TAFA5: variants seen among roughly 807,000 people sequenced by gnomAD.
TAFA5 encodes the protein TAFA chemokine like family member 5, also known as chemokine-like protein TAFA-5.
TAFA5 carries 6 observed loss-of-function variants against 15.3 expected under a neutral mutation model. That is an observed-to-expected ratio of 0.39 (90% CI 0.21 to 0.77). TAFA5 has a LOEUF of 0.77. Among genes scored for constraint, TAFA5 ranks in the 30% least tolerant of loss-of-function variants. The pLI is 0.41. For synonymous variants in TAFA5, 103 were observed against 80.7 expected (o/e 1.28, Z -1.48); for missense variants, 161 against 193.1 (o/e 0.83, Z 0.98).
chr22:48,605,325 T>A (rs1323053337), intron 1 of TAFA5, among the ~76,000 whole-genome samples: 1 of 102,442 alleles, frequency 9.8e-6, no homozygotes, highest in East Asian at 2.3e-4. Context: ...GTGATGGTGA[T>A]GATGGTGATG....
intron 1 of TAFA5, among the ~76,000 whole-genome samples, chr22:48,495,454 TC>T (rs1387219576): frequency 4.6e-5 from 7 of 152,056 alleles, no homozygotes; most frequent in African/African-American, 1.7e-4. Flanking sequence ...CCCTTCTGTG[TC>T]CCAACCCAGC....
In TAFA5 at chr22:48,646,671, C is replaced by T. The variant is rs757667830; in HGVS notation, c.187C>T (p.Arg63Trp). 1.8e-4 allele frequency: 283 copies of T among 1,611,616 alleles called. No individual in the cohort carries two copies. Among genetic ancestry groups the T allele is most frequent in the South Asian group, 4.3e-4 (39 of 91,042 alleles). Residue 63 changes from arginine to tryptophan, a missense_variant, in exon 2 of 4, where the codon CGG (arginine) becomes TGG (tryptophan). Transcript: ENST00000402357. ...DSSQPRRTIA[R>W]QTARCACRKG... The stretch of plus-strand genomic sequence containing the variant: ...CAGCCAGCCTCGGAGGACGATCGCC[C>T]GGCAGACCGCCCGCTGTGCGTGTAG...
At position 48,688,309 on chromosome 22, in the gene TAFA5, G is replaced by T. The variant is rs79385631; in HGVS notation, c.263-19408G>T. Among the ~76,000 whole-genome samples the T allele has an allele frequency of 9.3e-4, 142 of 152,330 alleles. 1 individual carries two copies. The East Asian group carries it at 0.024, about 26-fold the overall frequency. On this transcript the variant is annotated intron_variant, in intron 2 of 3. Coordinates refer to ENST00000402357, the MANE Select transcript of TAFA5 (RefSeq NM_001082967.3). The stretch of plus-strand genomic sequence containing the variant: ...TAAAGAAAAAATAATTATCAAGACT[G>T]TTCCCACTAAATTATGCTGTCTAGA...
intron 1 of TAFA5, among the ~76,000 whole-genome samples, chr22:48,517,954 G>T (rs1601844634): frequency 6.6e-6 from 1 of 152,342 alleles, no homozygotes; most frequent in East Asian, 1.9e-4. Context: ...GCCCCTTTGT[G>T]TCTCCTCCCT....
At chr22:48,512,124 G>GGTGACTGA (rs1446247315) in intron 1 of TAFA5, among the ~76,000 whole-genome samples, 1 of 152,202 alleles carries the variant, frequency 6.6e-6, no homozygotes, top group Admixed American at 6.5e-5. Flanking sequence ...CAGGCTGCAA[G>GGTGACTGA]GTGACTGAGC....
intron 1 of TAFA5, among the ~76,000 whole-genome samples, chr22:48,624,668 CTG>C (rs1925965800): frequency 6.6e-6 from 1 of 152,184 alleles, no homozygotes; most frequent in South Asian, 2.1e-4. Flanking sequence ...CCATCAGTGA[CTG>C]TGTGTTTTGA....
At chr22:48,602,167 A>G (rs1208935854) in intron 1 of TAFA5, among the ~76,000 whole-genome samples, 1 of 152,176 alleles carries the variant, frequency 6.6e-6, no homozygotes, top group African/African-American at 2.4e-5. Context: ...CTCAAGCCCC[A>G]GGCAGTGAAG....
At chr22:48,712,495 C>T (rs562513629) in intron 3 of TAFA5, among the ~76,000 whole-genome samples, 81 of 152,342 alleles carry the variant, frequency 5.3e-4, no homozygotes, top group Non-Finnish European at 7.5e-4. Flanking sequence ...GGAGGGTGAG[C>T]GCCCGGTGAC....
intron 1 of TAFA5, among the ~76,000 whole-genome samples, chr22:48,501,089 C>T (rs1339598176): frequency 1.3e-5 from 2 of 152,328 alleles, no homozygotes; most frequent in Admixed American, 6.5e-5. Context: ...ACCCTTCCCC[C>T]GCCACCAGAC....
chr22:48,686,899 A>AATGGATGGATGG (rs55750601), intron 2 of TAFA5, among the ~76,000 whole-genome samples: 94 of 136,382 alleles, frequency 6.9e-4, no homozygotes, highest in African/African-American at 9.4e-4. Context: ...TTGATGGTTG[A>AATGGATGGATGG]ATGGATGGAT....
At chr22:48,533,165 C>A (rs553523203) in intron 1 of TAFA5, among the ~76,000 whole-genome samples, 1 of 152,068 alleles carries the variant, frequency 6.6e-6, no homozygotes, top group Non-Finnish European at 1.5e-5. Flanking sequence ...ATGGAGTGGC[C>A]GGGGTCTGAG....
chr22:48,641,831 A>G (rs7292517), intron 1 of TAFA5, among the ~76,000 whole-genome samples: 126,354 of 152,088 alleles, frequency 0.83, 53,214 homozygotes, highest in East Asian at 1. Flanking sequence ...GGGAGTTGGC[A>G]CTGGAGAAGG....
chr22:48,609,486 G>C (rs1166259500), intron 1 of TAFA5, among the ~76,000 whole-genome samples: 1 of 152,222 alleles, frequency 6.6e-6, no homozygotes, highest in Non-Finnish European at 1.5e-5. Flanking sequence ...TGTGGACAGG[G>C]CGCTGGAGCC....
intron 3 of TAFA5, among the ~76,000 whole-genome samples, chr22:48,724,626 G>GA (rs1321409865): frequency 1.3e-5 from 2 of 152,236 alleles, no homozygotes; most frequent in African/African-American, 4.8e-5. Context: ...AGTAAGCGCT[G>GA]AAAAGCACTG....
intron 1 of TAFA5, among the ~76,000 whole-genome samples, chr22:48,623,299 G>A (rs1460480279): frequency 8.7e-6 from 1 of 114,454 alleles, no homozygotes; most frequent in Non-Finnish European, 1.9e-5. Context: ...GGCCCTGCGC[G>A]GTGACCTGTG....
At chr22:48,611,702 C>G (rs1465571694) in intron 1 of TAFA5, among the ~76,000 whole-genome samples, 1 of 152,146 alleles carries the variant, frequency 6.6e-6, no homozygotes, top group South Asian at 2.1e-4. Context: ...TTCTGGAAAC[C>G]ACCTACCCAC....
intron 2 of TAFA5, among the ~76,000 whole-genome samples, chr22:48,705,336 C>T (rs961295757): frequency 2.6e-5 from 4 of 152,202 alleles, no homozygotes; most frequent in African/African-American, 9.6e-5. Context: ...ATCTCAGACT[C>T]CTCTCCACTG....
chr22:48,740,320 G>A (rs531215645), intron 3 of TAFA5, among the ~76,000 whole-genome samples: 20 of 152,322 alleles, frequency 1.3e-4, no homozygotes, highest in South Asian at 6.2e-4. Context: ...CGAGCTGGTC[G>A]CAGAGCCAGC....
intron 3 of TAFA5, 144 bp downstream of exon 3, chr22:48,707,988 C>G (rs1929135239): frequency 5.5e-6 from 6 of 1,088,614 alleles, no homozygotes; most frequent in Non-Finnish European, 7.9e-6. Flanking sequence ...TGTCTCCTCC[C>G]CCACCTCCCT....
Sources: allele counts gnomAD v4.1 joint callset (sites outside exome capture counted in the v4.1 genomes callset), GRCh38; gene constraint gnomAD v4.1.1; transcripts MANE v1.5; gene names NCBI Gene and HGNC (gene_info 2026-07-23, HGNC 2026-07-21).